Variants in SLCO1A2 observed in about 807,000 individuals in gnomAD.
SLCO1A2 encodes solute carrier organic anion transporter family member 1A2.
In SLCO1A2, 67 loss-of-function variants were observed where a neutral mutation model predicts 69.0. The ratio of observed to expected loss-of-function variants is 0.97; its 90% CI spans 0.80 to 1.19. The LOEUF is 1.19. Ranked by LOEUF, SLCO1A2 falls within the 50% of genes most tolerant of loss-of-function variation. The pLI is 0.00. For missense variants in SLCO1A2, 787 were observed against 793.7 expected, an observed-to-expected ratio of 0.99 and a Z score of 0.10; for synonymous variants, 260 against 265.9, an observed-to-expected ratio of 0.98 and a Z score of 0.22.
intron 4 of SLCO1A2, among the ~76,000 whole-genome samples, chr12:21,311,071 C>T (rs1010616265): frequency 3.3e-5 from 5 of 152,188 alleles, no homozygotes; most frequent in African/African-American, 1.2e-4. Flanking sequence ...TAGTAGATTC[C>T]ATCACAGGAA....
chr12:21,418,327 A>G (rs1230329152), upstream of SLCO1A2, among the ~76,000 whole-genome samples: 1 of 152,248 alleles, frequency 6.6e-6, no homozygotes, highest in Non-Finnish European at 1.5e-5. Context: ...TGAGAGAAGT[A>G]AATAACAAAC....
chr12:21,300,272 G>T (rs979669004), intron 8 of SLCO1A2, 76 bp downstream of exon 8: 64 of 1,060,744 alleles, frequency 6.0e-5, no homozygotes, highest in Non-Finnish European at 8.2e-5. Flanking sequence ...GCATATCATA[G>T]TGTTAGACTA....
At chr12:21,413,665 A>G (rs11046023) in intron 1 of SLCO1A2, among the ~76,000 whole-genome samples, 16,436 of 152,114 alleles carry the variant, frequency 0.11, 1,140 homozygotes, top group East Asian at 0.37. Context: ...CCCAGACATC[A>G]AAGCTAGAAA....
intron 4 of SLCO1A2, among the ~76,000 whole-genome samples, chr12:21,314,188 C>A (rs768169681): frequency 6.6e-6 from 1 of 152,132 alleles, no homozygotes; most frequent in Admixed American, 6.5e-5. Flanking sequence ...AGCCTTCAGA[C>A]TGCTCTGTCT....
chr12:21,392,005 G>A (rs976045514), intron 1 of SLCO1A2, among the ~76,000 whole-genome samples: 1 of 152,104 alleles, frequency 6.6e-6, no homozygotes, highest in African/African-American at 2.4e-5. Context: ...ATTTAAAGGG[G>A]AAGAGTTAAT....
intron 12 of SLCO1A2, among the ~76,000 whole-genome samples, chr12:21,284,697 G>T (rs28848212): frequency 0.18 from 22,593 of 123,598 alleles, 2,093 homozygotes; most frequent in African/African-American, 0.31. Context: ...TCAGGATTAA[G>T]AATCTCACTC....
intron 1 of SLCO1A2, among the ~76,000 whole-genome samples, chr12:21,416,190 T>C (rs1278269921): frequency 6.6e-6 from 1 of 152,164 alleles, no homozygotes; most frequent in Non-Finnish European, 1.5e-5. Context: ...CAAATGGCTG[T>C]GCTCTCAAAT....
intron 2 of SLCO1A2, among the ~76,000 whole-genome samples, chr12:21,340,175 ATGT>A (rs907538636): frequency 6.6e-6 from 1 of 151,998 alleles, no homozygotes; most frequent in African/African-American, 2.4e-5. Flanking sequence ...ATAAAACAAA[ATGT>A]TGTTGTCAAA....
At chr12:21,382,360 G>C (rs150435203) in intron 1 of SLCO1A2, among the ~76,000 whole-genome samples, 22 of 152,220 alleles carry the variant, frequency 1.4e-4, no homozygotes, top group African/African-American at 5.1e-4. Flanking sequence ...CAGGAATAAA[G>C]AACCATCAGT....
chr12:21,341,736 G>A (rs1953076541), intron 2 of SLCO1A2, among the ~76,000 whole-genome samples: 4 of 152,030 alleles, frequency 2.6e-5, no homozygotes, highest in Admixed American at 2.6e-4. Flanking sequence ...TCAAGGTCAG[G>A]ATAGTATCCA....
intron 2 of SLCO1A2, among the ~76,000 whole-genome samples, chr12:21,350,773 G>T (rs1361713729): frequency 8.1e-6 from 1 of 122,732 alleles, no homozygotes; most frequent in Non-Finnish European, 1.6e-5. Flanking sequence ...GGAGGCAGGG[G>T]TTGTAGTGAG....
At chr12:21,300,656 G>T (rs763556661) in intron 7 of SLCO1A2, 87 bp from the exon 8 acceptor site, 4 of 1,071,900 alleles carry the variant, frequency 3.7e-6, no homozygotes, top group Non-Finnish European at 5.2e-6. Context: ...GAATTATCGG[G>T]TCCCAACCAA....
At chr12:21,371,315 G>C (rs1017326011) in intron 2 of SLCO1A2, among the ~76,000 whole-genome samples, 1 of 152,150 alleles carries the variant, frequency 6.6e-6, no homozygotes, top group Non-Finnish European at 1.5e-5. Flanking sequence ...CCTGCCTCTG[G>C]AGTCTAGTCC....
At position 21,275,209 on chromosome 12, in the gene SLCO1A2, G is replaced by A. The variant is rs1206745865; in HGVS notation, c.1675+151C>T. 3.8e-6 allele frequency: 3 copies of A among 792,236 alleles called. No individual in the cohort carries two copies. The Admixed American group carries it at 1.2e-4, about 31-fold the overall frequency. The allele number at this position is 792,236 out of a possible 1,614,324, so 49.1% of individuals were successfully genotyped here. A position where few individuals can be genotyped will look rare whatever the true frequency, so the allele number is the denominator to read the frequency against. ...AGATTCACCTAATGTTAAATGATGAGTTAATGGGTGCAGCACACCAACATG... is the reference window on the plus strand; with the variant it reads ...AGATTCACCTAATGTTAAATGATGAATTAATGGGTGCAGCACACCAACATG... On this transcript the variant is annotated intron_variant, in intron 13 of 14. Coordinates refer to ENST00000683939, the MANE Select transcript of SLCO1A2 (RefSeq NM_001386879.1).
In SLCO1A2 at chr12:21,297,557, A is replaced by G; in HGVS notation, c.922T>C (p.Phe308Leu). The change falls in exon 9 of 15, where the codon TTC becomes CTC. Residue 308 changes from phenylalanine (F) to leucine (L), a missense_variant. By Grantham distance (22) the Phe-to-Leu change is conservative (BLOSUM62 0). Coordinates refer to ENST00000683939, the MANE Select transcript of SLCO1A2 (RefSeq NM_001386879.1). ...KYGITKDFLP[F>L]MKSLSCNPIY... ...GGATTGCAGGAAAGACTTTTCATGA[A>G]AGGTAGAAAATCTGAAATGAAAGAA... 6.4e-7 allele frequency: 1 copy of G among 1,570,402 alleles called. No homozygotes were observed. The highest frequency in any genetic ancestry group is 8.7e-7 in the Non-Finnish European group (1 of 1,151,010).
At chr12:21,289,339 T>C (rs1052755975) in intron 12 of SLCO1A2, among the ~76,000 whole-genome samples, 3 of 152,114 alleles carry the variant, frequency 2.0e-5, no homozygotes, top group African/African-American at 7.2e-5. Context: ...TTTGTCATTC[T>C]TAAGGAGATT....
chr12:21,377,461 A>G (rs1039182668), intron 1 of SLCO1A2, among the ~76,000 whole-genome samples: 4 of 152,198 alleles, frequency 2.6e-5, no homozygotes, highest in Admixed American at 2.6e-4. Context: ...AGCATGCAAT[A>G]CATTATTCTG....
Position 21,300,375 on chromosome 12 carries a change from T to C in SLCO1A2, c.883A>G (p.Lys295Glu). 1 of 1,612,788 alleles carries C rather than the reference T, an allele frequency of 6.2e-7. No individual in the cohort carries two copies. The highest frequency in any genetic ancestry group is 8.5e-7 in the Non-Finnish European group (1 of 1,179,184). Reference sequence around the variant, plus strand: ...TTAGTGATTCCATATTTTTCCTTCTTGACCTCTTCTTTTTGTTTGTCTTCA... The same window carrying C: ...TTAGTGATTCCATATTTTTCCTTCTCGACCTCTTCTTTTTGTTTGTCTTCA... ...ENEDKQKEEVKKEKYGITKDF... is the reference protein window; with the variant it reads ...ENEDKQKEEVEKEKYGITKDF... The change falls in exon 8 of 15, where the codon AAG becomes GAG. Residue 295 changes from lysine to glutamate, a missense_variant. Transcript: ENST00000683939.
At chr12:21,302,654 T>C (rs1369937757) in intron 6 of SLCO1A2, among the ~76,000 whole-genome samples, 2 of 151,982 alleles carry the variant, frequency 1.3e-5, no homozygotes, top group Non-Finnish European at 2.9e-5. Context: ...CCTCCCGGGT[T>C]CAAGTGATTC....
Sources: gnomAD v4.1 joint callset for allele counts (sites outside exome capture counted in the v4.1 genomes callset) on GRCh38, gnomAD v4.1.1 for gene constraint, MANE v1.5 for transcripts, NCBI Gene and HGNC (gene_info 2026-07-23, HGNC 2026-07-21) for gene names.